Variants in RYR2 observed in about 807,000 individuals in gnomAD.
RYR2 encodes cardiac muscle ryanodine receptor-calcium release channel.
Under a neutral mutation model 601.1 loss-of-function variants are expected in RYR2, and 227 were observed. That is an observed-to-expected ratio of 0.38 (90% CI 0.34 to 0.42). The LOEUF is 0.42. Among genes scored for constraint, RYR2 ranks in the 10% least tolerant of loss-of-function variants. The pLI, the probability that RYR2 is intolerant of heterozygous loss-of-function variation, is 1.00. For missense variants in RYR2, 4,646 were observed against 6,156.5 expected, an observed-to-expected ratio of 0.75 and a Z score of 8.21; for synonymous variants, 2,223 against 2,175.1, an observed-to-expected ratio of 1.02 and a Z score of -0.61.
chr1:237,417,703 A>G (rs995238031), intron 11 of RYR2, among the ~76,000 whole-genome samples: 1 of 152,164 alleles, frequency 6.6e-6, no homozygotes, highest in Middle Eastern at 3.2e-3. Flanking sequence ...ATATTTATGA[A>G]ACATAAATGT....
intron 24 of RYR2, among the ~76,000 whole-genome samples, chr1:237,525,301 C>A (rs1667456867): frequency 6.6e-6 from 1 of 152,098 alleles, no homozygotes; most frequent in Non-Finnish European, 1.5e-5. Flanking sequence ...TGATTTCATT[C>A]TTTTTCGTGG....
intron 12 of RYR2, among the ~76,000 whole-genome samples, chr1:237,423,596 T>G (rs1705808204): frequency 6.7e-6 from 1 of 150,248 alleles, no homozygotes; most frequent in Non-Finnish European, 1.5e-5. Context: ...GAAAGGTGTT[T>G]CATGTCGTTT....
At chr1:237,570,153 G>A (rs2148283595) in intron 29 of RYR2, among the ~76,000 whole-genome samples, 1 of 150,908 alleles carries the variant, frequency 6.6e-6, no homozygotes, top group Admixed American at 6.6e-5. Context: ...AGGAGGCAGA[G>A]GTTGCAGTGA....
At chr1:237,697,978 T>A (rs921392138) in intron 63 of RYR2, among the ~76,000 whole-genome samples, 1 of 152,180 alleles carries the variant, frequency 6.6e-6, no homozygotes, top group Non-Finnish European at 1.5e-5. Context: ...AATACAATTA[T>A]TAATTTCAGT....
intron 1 of RYR2, among the ~76,000 whole-genome samples, chr1:237,085,242 A>G (rs952715028): frequency 1.3e-5 from 2 of 152,214 alleles, no homozygotes; most frequent in African/African-American, 4.8e-5. Flanking sequence ...TCTTTTCCTA[A>G]TAGAACTATT....
chr1:237,048,817 G>C (rs1388631280), intron 1 of RYR2, among the ~76,000 whole-genome samples: 1 of 152,140 alleles, frequency 6.6e-6, no homozygotes, highest in African/African-American at 2.4e-5. Context: ...GGACAGACTT[G>C]AGAGAAATCT....
At chr1:237,071,760 C>T (rs532222835) in intron 1 of RYR2, among the ~76,000 whole-genome samples, 1 of 152,342 alleles carries the variant, frequency 6.6e-6, no homozygotes, top group Non-Finnish European at 1.5e-5. Context: ...AATCAACATT[C>T]TGTCCAAGAT....
At chr1:237,562,907 G>A (rs1398625567) in intron 27 of RYR2, among the ~76,000 whole-genome samples, 2 of 152,096 alleles carry the variant, frequency 1.3e-5, no homozygotes, top group Non-Finnish European at 2.9e-5. Flanking sequence ...CAGTTTGGCA[G>A]GTATATATGG....
intron 1 of RYR2, among the ~76,000 whole-genome samples, chr1:237,105,602 C>T (rs1455405210): frequency 8.6e-5 from 13 of 151,970 alleles, no homozygotes; most frequent in Admixed American, 7.2e-4. Context: ...GAGGCTGAGA[C>T]GGACAGATCA....
chr1:237,068,688 T>C (rs1187900803), intron 1 of RYR2, among the ~76,000 whole-genome samples: 2 of 152,218 alleles, frequency 1.3e-5, no homozygotes, highest in Non-Finnish European at 2.9e-5. Context: ...AAAAAGTCTT[T>C]ACTGTGTTAT....
chr1:237,212,650 G>A (rs927344799), intron 1 of RYR2, among the ~76,000 whole-genome samples: 3 of 151,918 alleles, frequency 2.0e-5, no homozygotes, highest in African/African-American at 7.3e-5. Context: ...TAAATTAAAA[G>A]GCATGCACAT....
At chr1:237,413,091 C>T (rs983435103) in intron 10 of RYR2, among the ~76,000 whole-genome samples, 4 of 151,920 alleles carry the variant, frequency 2.6e-5, no homozygotes, top group African/African-American at 4.8e-5. Flanking sequence ...ATTGTGGTGC[C>T]AATTTTCAGT....
At chr1:237,724,207 A>ATC (rs1401964498) in intron 74 of RYR2, among the ~76,000 whole-genome samples, 3 of 111,388 alleles carry the variant, frequency 2.7e-5, no homozygotes, top group Admixed American at 9.3e-5. Context: ...ATATATATAT[A>ATC]TATATATATA....
At chr1:237,783,534 ATAAT>A (rs1457241674) in intron 89 of RYR2, 137 bp from the exon 90 acceptor site, 3 of 599,662 alleles carry the variant, frequency 5.0e-6, no homozygotes, top group East Asian at 2.8e-5. Flanking sequence ...TAGTTTATAA[ATAAT>A]TATCTTTTTA....
At chr1:237,704,609 A>G (rs1358580770) in intron 66 of RYR2, among the ~76,000 whole-genome samples, 2 of 151,898 alleles carry the variant, frequency 1.3e-5, no homozygotes, top group Non-Finnish European at 2.9e-5. Context: ...GTTTTTGCCT[A>G]TATATTTATC....
chr1:237,663,484 T>C (rs896402944), intron 56 of RYR2, among the ~76,000 whole-genome samples: 1 of 152,226 alleles, frequency 6.6e-6, no homozygotes. Context: ...AAGTGGCCCA[T>C]GGTTAACGGC....
At chr1:237,743,711 T>A (rs1691814365) in intron 80 of RYR2, 1 of 467,536 alleles carries the variant, frequency 2.1e-6, no homozygotes, top group Non-Finnish European at 4.3e-6. Flanking sequence ...CATCTTGGAT[T>A]CTTTTGTGAA....
intron 24 of RYR2, among the ~76,000 whole-genome samples, chr1:237,521,027 ACT>A (rs1309670489): frequency 6.6e-6 from 1 of 152,084 alleles, no homozygotes; most frequent in Non-Finnish European, 1.5e-5. Context: ...ACAGAGTGAG[ACT>A]CTGTCTCCAA....
At chr1:237,645,868 CT>C (rs1001580851) in intron 48 of RYR2, among the ~76,000 whole-genome samples, 133 of 136,294 alleles carry the variant, frequency 9.8e-4, no homozygotes, top group Admixed American at 1.1e-3. Context: ...TAGATCTCTG[CT>C]TTTTTTTTTT....
Sources: gnomAD v4.1 joint callset for allele counts (sites outside exome capture counted in the v4.1 genomes callset) on GRCh38, gnomAD v4.1.1 for gene constraint, MANE v1.5 for transcripts, NCBI Gene and HGNC (gene_info 2026-07-23, HGNC 2026-07-21) for gene names.